RAB27B: variants seen among roughly 807,000 people sequenced by gnomAD.
RAB27B encodes the protein RAB27B, member RAS oncogene family.
In RAB27B, 15 loss-of-function variants were observed where a neutral mutation model predicts 24.6. The ratio of observed to expected loss-of-function variants is 0.61; its 90% CI spans 0.41 to 0.94. RAB27B has a LOEUF of 0.94. RAB27B is among the 40% of genes least tolerant of loss of function. RAB27B has a pLI of 0.00. For synonymous variants in RAB27B, 105 were observed against 92.5 expected (o/e 1.14, Z -0.78); for missense variants, 261 against 266.8 (o/e 0.98, Z 0.15).
intron 2 of RAB27B, among the ~76,000 whole-genome samples, chr18:54,810,336 T>G (rs1568075210): frequency 6.6e-6 from 1 of 152,216 alleles, no homozygotes; most frequent in Non-Finnish European, 1.5e-5. Context: ...TATATATTTA[T>G]CAGAAATTTC....
At chr18:54,799,155 G>A (rs1909517657) in intron 2 of RAB27B, among the ~76,000 whole-genome samples, 2 of 152,154 alleles carry the variant, frequency 1.3e-5, no homozygotes, top group Admixed American at 1.3e-4. Flanking sequence ...AACTAAAATT[G>A]TGACTCATTA....
intron 2 of RAB27B, among the ~76,000 whole-genome samples, chr18:54,770,775 C>T (rs185733985): frequency 4.6e-5 from 7 of 151,906 alleles, no homozygotes; most frequent in Middle Eastern, 3.4e-3. Context: ...TAATAGCAGA[C>T]GTATAGTACT....
In RAB27B at chr18:54,819,174, TAATG is replaced by T. The variant is rs1200998275; in HGVS notation, c.-19-58389_-19-58386del. Among the ~76,000 whole-genome samples the T allele has an allele frequency of 7.4e-5, 11 of 147,964 alleles. No individual in the cohort carries two copies. The Admixed American group carries it at 7.5e-4, about 10-fold the overall frequency. On this transcript the variant is annotated intron_variant, in intron 2 of 4. Coordinates refer to the RAB27B transcript ENST00000586570. ...AATAATTATATATTAACATAATTAT[TAATG>T]AATATTATATACTATAAATATTATA... is the stretch of plus-strand genomic sequence containing the variant.
intron 1 of RAB27B, among the ~76,000 whole-genome samples, chr18:54,845,665 T>C (rs886708887): frequency 3.9e-5 from 6 of 152,182 alleles, no homozygotes; most frequent in Non-Finnish European, 7.4e-5. Flanking sequence ...GCCTTTTGCA[T>C]ATTGCTACAA....
In RAB27B at chr18:54,834,938, T is replaced by C. The variant is rs188740901; in HGVS notation, c.-20+6238T>C. ...AAAAAATGAGATTATGTATTAAATC[T>C]GACCTGAGGGATATACCAGAACAAT... On this transcript the variant is annotated intron_variant, in intron 1 of 5. Coordinates refer to ENST00000262094, the MANE Select transcript of RAB27B (RefSeq NM_004163.4). 1.8e-4 allele frequency among the ~76,000 whole-genome samples: 28 copies of C among 151,994 alleles called. 1 individual carries two copies. Among genetic ancestry groups the C allele is most frequent in the African/African-American group, 6.8e-4 (28 of 41,308 alleles).
At chr18:54,875,933 A>G (rs1775534829) in intron 1 of RAB27B, among the ~76,000 whole-genome samples, 1 of 152,146 alleles carries the variant, frequency 6.6e-6, no homozygotes, top group African/African-American at 2.4e-5. Context: ...AAGTTATTAG[A>G]ATTATCTAGT....
chr18:54,888,210 C>T (rs1361513798), intron 5 of RAB27B, 92 bp downstream of exon 5: 1 of 1,422,974 alleles, frequency 7.0e-7, no homozygotes, highest in East Asian at 2.3e-5. Context: ...AAGAAATCCC[C>T]TTAACCAAGA....
intron 3 of RAB27B, among the ~76,000 whole-genome samples, chr18:54,882,623 G>T (rs2145282404): frequency 6.6e-6 from 1 of 152,226 alleles, no homozygotes; most frequent in East Asian, 1.9e-4. Flanking sequence ...TCAACGAAGG[G>T]GTAGGAAGAA....
chr18:54,720,683 C>G (rs903594398), intron 2 of RAB27B, among the ~76,000 whole-genome samples: 1 of 152,050 alleles, frequency 6.6e-6, no homozygotes, highest in African/African-American at 2.4e-5. Flanking sequence ...GAAAATATAT[C>G]TCCTAGTAGA....
intron 2 of RAB27B, among the ~76,000 whole-genome samples, chr18:54,740,813 T>C (rs576387494): frequency 2.1e-4 from 32 of 152,190 alleles, no homozygotes; most frequent in African/African-American, 6.5e-4. Context: ...CATAGACAGA[T>C]GATAGATAGA....
upstream of RAB27B, among the ~76,000 whole-genome samples, chr18:54,823,738 CATTAT>C (rs1465208012): frequency 3.9e-5 from 6 of 152,274 alleles, no homozygotes; most frequent in Non-Finnish European, 7.4e-5. Context: ...GCTTATAGAT[CATTAT>C]ATTAAAGTAT....
chr18:54,837,369 C>G (rs993719801), intron 1 of RAB27B, among the ~76,000 whole-genome samples: 15 of 151,960 alleles, frequency 9.9e-5, no homozygotes, highest in African/African-American at 3.4e-4. Flanking sequence ...ATTATAAAGT[C>G]TAAATTTCTG....
upstream of RAB27B, among the ~76,000 whole-genome samples, chr18:54,827,184 T>G (rs928591807): frequency 5.3e-5 from 8 of 152,342 alleles, no homozygotes; most frequent in Admixed American, 2.0e-4. Context: ...TCAAAGACTT[T>G]TATGCAGTAG....
At chr18:54,845,882 T>C (rs1312860326) in intron 1 of RAB27B, among the ~76,000 whole-genome samples, 2 of 152,192 alleles carry the variant, frequency 1.3e-5, no homozygotes, top group Non-Finnish European at 2.9e-5. Context: ...GACCCCAGAA[T>C]CAATACCATG....
intron 2 of RAB27B, among the ~76,000 whole-genome samples, chr18:54,809,038 T>C (rs755054468): frequency 6.6e-6 from 1 of 152,236 alleles, no homozygotes; most frequent in Admixed American, 6.5e-5. Flanking sequence ...ATCAATTCTT[T>C]GGTTGAAATT....
At chr18:54,720,375 A>G (rs1909322591) in intron 2 of RAB27B, among the ~76,000 whole-genome samples, 1 of 152,076 alleles carries the variant, frequency 6.6e-6, no homozygotes, top group Non-Finnish European at 1.5e-5. Context: ...TAACATGCAT[A>G]TTTTTAGCAA....
chr18:54,725,863 C>G (rs1909522898), intron 2 of RAB27B, among the ~76,000 whole-genome samples: 1 of 151,434 alleles, frequency 6.6e-6, no homozygotes, highest in East Asian at 1.9e-4. Flanking sequence ...ATGTCATAGT[C>G]TATGCAATGT....
chr18:54,743,745 C>G (rs1910144091), intron 2 of RAB27B, among the ~76,000 whole-genome samples: 1 of 152,138 alleles, frequency 6.6e-6, no homozygotes, highest in Admixed American at 6.6e-5. Context: ...CCAGAGTGGA[C>G]AGAGCGAATC....
At chr18:54,876,645 T>C in intron 1 of RAB27B, among the ~76,000 whole-genome samples, 1 of 152,180 alleles carries the variant, frequency 6.6e-6, no homozygotes, top group East Asian at 1.9e-4. Flanking sequence ...CCTGGTATTC[T>C]CGGTGTTACT....
Sources: allele counts gnomAD v4.1 joint callset (sites outside exome capture counted in the v4.1 genomes callset), GRCh38; gene constraint gnomAD v4.1.1; transcripts MANE v1.5; gene names NCBI Gene and HGNC (gene_info 2026-07-23, HGNC 2026-07-21).